The following TRAPPC9 variants were observed in gnomAD, a reference collection of about 807,000 sequenced individuals.
TRAPPC9 encodes the protein trafficking protein particle complex subunit 9.
In TRAPPC9, 83 loss-of-function variants were observed where a neutral mutation model predicts 124.0. That is an observed-to-expected ratio of 0.67 (90% CI 0.56 to 0.80). The LOEUF (loss-of-function observed/expected upper bound fraction) is 0.80. Among genes scored for constraint, TRAPPC9 ranks in the 30% least tolerant of loss-of-function variants. The pLI, the probability that TRAPPC9 is intolerant of heterozygous loss-of-function variation, is 0.00. For missense variants in TRAPPC9, 1,302 were observed against 1,508.3 expected (o/e 0.86, Z 2.27); for synonymous variants, 638 against 617.5 (o/e 1.03, Z -0.49).
intron 17 of TRAPPC9, among the ~76,000 whole-genome samples, chr8:140,194,032 T>A (rs952174989): frequency 1.3e-5 from 2 of 152,202 alleles, no homozygotes; most frequent in Non-Finnish European, 2.9e-5. Flanking sequence ...CAAATTCTAA[T>A]CCCGGTTTTA....
intron 6 of TRAPPC9, 118 bp downstream of exon 6, chr8:140,405,459 C>T (rs2069456007): frequency 1.1e-5 from 13 of 1,138,634 alleles, no homozygotes; most frequent in Non-Finnish European, 1.7e-5. Context: ...GAGAGCAAGA[C>T]ATGAATACTT....
intron 18 of TRAPPC9, among the ~76,000 whole-genome samples, chr8:140,010,838 T>G (rs1036903921): frequency 1.3e-5 from 2 of 152,130 alleles, no homozygotes; most frequent in Non-Finnish European, 1.5e-5. Flanking sequence ...GAATGTCCAA[T>G]GCAAAACTGC....
chr8:139,893,647 C>A (rs118088716), intron 20 of TRAPPC9, among the ~76,000 whole-genome samples: 1,639 of 152,336 alleles, frequency 0.011, 17 homozygotes, highest in Non-Finnish European at 0.018. Flanking sequence ...AAGAAAATGA[C>A]GGTATTCATC....
chr8:140,122,527 C>T (rs1056778251), intron 17 of TRAPPC9, among the ~76,000 whole-genome samples: 1 of 152,230 alleles, frequency 6.6e-6, no homozygotes. Context: ...TTTATTACCT[C>T]TGTGACTTGG....
chr8:140,389,336 G>A (rs2068855342), intron 7 of TRAPPC9, among the ~76,000 whole-genome samples: 1 of 152,092 alleles, frequency 6.6e-6, no homozygotes, highest in Admixed American at 6.6e-5. Flanking sequence ...GTCTTTCCAG[G>A]TAAAAATAAA....
chr8:139,772,724 C>A (rs1262702458), intron 21 of TRAPPC9, among the ~76,000 whole-genome samples: 1 of 152,200 alleles, frequency 6.6e-6, no homozygotes, highest in Non-Finnish European at 1.5e-5. Context: ...AATTGTGACT[C>A]CAAAAATTCC....
intron 17 of TRAPPC9, among the ~76,000 whole-genome samples, chr8:140,060,976 A>G (rs1206017622): frequency 1.3e-5 from 2 of 152,236 alleles, no homozygotes; most frequent in Admixed American, 6.5e-5. Flanking sequence ...ATCTAACATT[A>G]CAGGTCAGCA....
chr8:140,372,378 CCT>C (rs2068307867), intron 7 of TRAPPC9, among the ~76,000 whole-genome samples: 2 of 152,210 alleles, frequency 1.3e-5, no homozygotes, highest in African/African-American at 4.8e-5. Flanking sequence ...CCCTCCATCC[CCT>C]CTCCTCCGCG....
chr8:139,893,436 G>T (rs915159830), intron 20 of TRAPPC9, among the ~76,000 whole-genome samples: 1 of 152,204 alleles, frequency 6.6e-6, no homozygotes. Context: ...TGCCCTGGCG[G>T]TCTGCACAAT....
chr8:140,173,967 A>G (rs1281912239), intron 17 of TRAPPC9, among the ~76,000 whole-genome samples: 1 of 152,178 alleles, frequency 6.6e-6, no homozygotes, highest in Non-Finnish European at 1.5e-5. Flanking sequence ...ATAAAATGGC[A>G]AATACCAAGT....
intron 18 of TRAPPC9, among the ~76,000 whole-genome samples, chr8:140,000,568 T>C (rs1838325577): frequency 6.6e-6 from 1 of 151,892 alleles, no homozygotes; most frequent in Non-Finnish European, 1.5e-5. Flanking sequence ...AAAAAGTGGG[T>C]GAAGGATATG....
intron 19 of TRAPPC9, among the ~76,000 whole-genome samples, chr8:139,921,840 C>G (rs1466432552): frequency 6.6e-6 from 1 of 150,638 alleles, no homozygotes; most frequent in Admixed American, 6.6e-5. Context: ...CGAGAGCGCA[C>G]ACATCTGCCC....
At chr8:140,375,612 G>A (rs916816813) in intron 7 of TRAPPC9, among the ~76,000 whole-genome samples, 2 of 152,248 alleles carry the variant, frequency 1.3e-5, no homozygotes, top group African/African-American at 2.4e-5. Flanking sequence ...ATCTAATTAC[G>A]ATTGTCAAAA....
At chr8:140,397,568 A>C in intron 7 of TRAPPC9, 52 bp downstream of exon 7, 1 of 1,610,274 alleles carries the variant, frequency 6.2e-7, no homozygotes, top group Non-Finnish European at 8.5e-7. Flanking sequence ...TAGTGAATCA[A>C]TTCCGTAAGA....
At chr8:139,923,387 G>A (rs560081869) in intron 19 of TRAPPC9, among the ~76,000 whole-genome samples, 12 of 152,148 alleles carry the variant, frequency 7.9e-5, no homozygotes, top group Admixed American at 4.6e-4. Flanking sequence ...GGTTTCTTCC[G>A]GCGCCCCATC....
chr8:140,062,042 C>A (rs1842649510), intron 17 of TRAPPC9, among the ~76,000 whole-genome samples: 1 of 152,206 alleles, frequency 6.6e-6, no homozygotes, highest in Non-Finnish European at 1.5e-5. Context: ...AAACACAATA[C>A]ACGCACAGCC....
intron 2 of TRAPPC9, 27 bp from the exon 3 acceptor site, chr8:140,439,224 T>C (rs766912588): frequency 1.9e-5 from 30 of 1,612,804 alleles, no homozygotes; most frequent in Middle Eastern, 3.4e-4. Context: ...AATGTATCTT[T>C]ATTACTATAC....
chr8:139,803,977 C>G (rs930499019), intron 21 of TRAPPC9, among the ~76,000 whole-genome samples: 3 of 152,030 alleles, frequency 2.0e-5, no homozygotes, highest in South Asian at 2.1e-4. Context: ...GTGAATCCCT[C>G]AAGTCTGCAA....
At chr8:139,833,651 G>A (rs1826135772) in intron 21 of TRAPPC9, among the ~76,000 whole-genome samples, 1 of 152,254 alleles carries the variant, frequency 6.6e-6, no homozygotes, top group African/African-American at 2.4e-5. Context: ...TCCCAGACGT[G>A]GCCTTCCCAG....
Sources: gnomAD v4.1 joint callset for allele counts (sites outside exome capture counted in the v4.1 genomes callset) on GRCh38, gnomAD v4.1.1 for gene constraint, MANE v1.5 for transcripts, NCBI Gene and HGNC (gene_info 2026-07-23, HGNC 2026-07-21) for gene names.